The following UBE2O variants were observed in gnomAD, a reference collection of about 807,000 sequenced individuals.
UBE2O encodes (E3-independent) E2 ubiquitin-conjugating enzyme.
UBE2O carries 15 observed loss-of-function variants against 125.8 expected under a neutral mutation model. The ratio of observed to expected loss-of-function variants is 0.12; its 90% confidence interval spans 0.08 to 0.18. The LOEUF (loss-of-function observed/expected upper bound fraction) is 0.18. Ranked by LOEUF, UBE2O falls within the 10% of genes least tolerant of loss-of-function variation. The pLI, the probability that UBE2O is intolerant of heterozygous loss-of-function variation, is 1.00. For missense variants in UBE2O, 1,280 were observed against 1,723.6 expected, an observed-to-expected ratio of 0.74 and a Z score of 4.56; for synonymous variants, 708 against 703.2, an observed-to-expected ratio of 1.01 and a Z score of -0.11.
In UBE2O at chr17:76,443,568, C is replaced by T. The variant is rs570925036; in HGVS notation, c.417+9157G>A. 4.6e-5 allele frequency among the ~76,000 whole-genome samples: 7 copies of T among 151,522 alleles called. No individual in the cohort carries two copies. In the South Asian group the frequency reaches 1.3e-3, roughly 27 times the overall value. On this transcript the variant is annotated intron_variant, in intron 1 of 17. Coordinates refer to ENST00000319380, the MANE Select transcript of UBE2O (RefSeq NM_022066.4). Reference sequence around the variant, plus strand: ...CCTCCCAAAATGCTGGGATTACAGGCGTGAGCCACTGTGCCCAGTCAGAAC... The same window carrying T: ...CCTCCCAAAATGCTGGGATTACAGGTGTGAGCCACTGTGCCCAGTCAGAAC...
chr17:76,415,914 C>T (rs577432135), intron 1 of UBE2O, among the ~76,000 whole-genome samples: 216 of 149,194 alleles, frequency 1.4e-3, no homozygotes, highest in African/African-American at 5.3e-3. Flanking sequence ...AATATATACA[C>T]ATGCACATAC....
chr17:76,443,645 A>G (rs907987867), intron 1 of UBE2O, among the ~76,000 whole-genome samples: 4 of 151,920 alleles, frequency 2.6e-5, no homozygotes, highest in Non-Finnish European at 5.9e-5. Flanking sequence ...GGCAGTCACA[A>G]TCACAAGATT....
At chr17:76,431,516 C>T (rs1354648529) in intron 1 of UBE2O, among the ~76,000 whole-genome samples, 1 of 152,054 alleles carries the variant, frequency 6.6e-6, no homozygotes, top group East Asian at 1.9e-4. Flanking sequence ...AAAAAAAAGT[C>T]AACAAAACCC....
Position 76,402,450 on chromosome 17 carries a change from G to C in UBE2O, c.686+152C>G, listed in dbSNP as rs2072344661. The C allele has an allele frequency of 1.4e-6, 1 of 730,840 alleles. No individual in the cohort carries two copies. The highest frequency in any genetic ancestry group is 1.7e-5 in the African/African-American group (1 of 57,442). The allele number at this position is 730,840 out of a possible 1,614,324, so 45.3% of individuals were successfully genotyped here. A position where few individuals can be genotyped will look rare whatever the true frequency, so the allele number is the denominator to read the frequency against. On this transcript the variant is annotated intron_variant, in intron 4 of 17. Transcript: ENST00000319380. The surrounding 1 kb of genome is among the most constrained non-coding windows in gnomAD (Gnocchi z 5.4). ...TAGGCCACGGCAGATAAGGAGAACG[G>C]TACAGGGTTAGGCCCTGGATGCCTG...
chr17:76,452,794 G>T lies in UBE2O; in HGVS notation c.348C>A (p.Pro116=). 2 of 1,521,054 alleles carry T rather than the reference G, an allele frequency of 1.3e-6. No homozygotes were observed. Among genetic ancestry groups the T allele is most frequent in the Non-Finnish European group, 1.8e-6 (2 of 1,139,916 alleles). The allele number at this position is 1,521,054 out of a possible 1,614,324, so 94.2% of individuals were successfully genotyped here. The change falls in exon 1 of 18, where the codon CCC becomes CCA. Residue 116 remains proline (P), a synonymous_variant. Coordinates refer to ENST00000319380, the MANE Select transcript of UBE2O (RefSeq NM_022066.4). The surrounding 1 kb of genome is among the most constrained non-coding windows in gnomAD (Gnocchi z 4.4). ...GGACGCGCACGTAGCCGCGGCGCAG[G>T]GGGCTGGCCCGGCCCTCCTCGTGGC... ...GAGHEEGRAS[P]LRRGYVRVQW...
At chr17:76,426,745 T>C (rs546289487) in intron 1 of UBE2O, among the ~76,000 whole-genome samples, 1 of 152,298 alleles carries the variant, frequency 6.6e-6, no homozygotes, top group South Asian at 2.1e-4. Flanking sequence ...TGTTGGGACT[T>C]TGGTTTTTAA....
chr17:76,398,230 C>T lies in UBE2O; in HGVS notation c.2025+25G>A, dbSNP rs987342239. 2 of 1,613,830 alleles carry T rather than the reference C, an allele frequency of 1.2e-6. No individual in the cohort carries two copies. Among genetic ancestry groups the T allele is most frequent in the Admixed American group, 1.7e-5 (1 of 59,990 alleles). On this transcript the variant is annotated intron_variant, in intron 12 of 17. Transcript: ENST00000319380. This position sits in a 1 kb window ranked among gnomAD's most constrained non-coding sequence, Gnocchi z 5.4. Reference sequence around the variant, plus strand: ...GGTGCACAGGGCAGTGAGCAGCCATCCAGAACTTGAATTTGAAGGCGTACC... The same window carrying T: ...GGTGCACAGGGCAGTGAGCAGCCATTCAGAACTTGAATTTGAAGGCGTACC...
chr17:76,433,469 T>C (rs896399047), intron 1 of UBE2O, among the ~76,000 whole-genome samples: 4 of 149,530 alleles, frequency 2.7e-5, no homozygotes, highest in African/African-American at 9.9e-5. Context: ...GGGTATGAGG[T>C]TTCTTTTTAG....
chr17:76,427,538 G>A (rs887109345), intron 1 of UBE2O, among the ~76,000 whole-genome samples: 2 of 152,158 alleles, frequency 1.3e-5, no homozygotes, highest in African/African-American at 4.8e-5. Context: ...TAATTTCCTA[G>A]AACAAGCTCA....
chr17:76,392,920 C>G (rs1051705174), intron 15 of UBE2O, among the ~76,000 whole-genome samples: 22 of 150,832 alleles, frequency 1.5e-4, no homozygotes, highest in Non-Finnish European at 2.8e-4. Flanking sequence ...CCATTGAACT[C>G]TAGCCTGGGT....
chr17:76,438,823 C>T (rs921751368), intron 1 of UBE2O, among the ~76,000 whole-genome samples: 9 of 152,130 alleles, frequency 5.9e-5, no homozygotes, highest in Admixed American at 2.0e-4. Flanking sequence ...ACTTCCGGGT[C>T]ATTTTGTGTG....
chr17:76,417,375 T>C (rs2072633509), intron 1 of UBE2O, among the ~76,000 whole-genome samples: 1 of 152,162 alleles, frequency 6.6e-6, no homozygotes, highest in African/African-American at 2.4e-5. Context: ...ACGATAACAT[T>C]TACAAAGAAC....
intron 1 of UBE2O, among the ~76,000 whole-genome samples, chr17:76,415,828 T>TGC (rs2072594085): frequency 2.0e-5 from 3 of 151,290 alleles, no homozygotes; most frequent in Middle Eastern, 6.8e-3. Context: ...TGTGTGTGTG[T>TGC]GCATACACAT....
chr17:76,395,650 C>T lies in UBE2O; in HGVS notation c.2946+75G>A. ...CCAGTCAGCCCCGGAGGTTTGGGGACCCAAGGTTGGTGGCCTCTTGGGCAC... is the reference window on the plus strand; with the variant it reads ...CCAGTCAGCCCCGGAGGTTTGGGGATCCAAGGTTGGTGGCCTCTTGGGCAC... On this transcript the variant is annotated intron_variant, in intron 15 of 17. Transcript: ENST00000319380. The surrounding 1 kb of genome is among the most constrained non-coding windows in gnomAD (Gnocchi z 5.0). The T allele has an allele frequency of 1.3e-6, 2 of 1,536,052 alleles. No individual in the cohort carries two copies. Among genetic ancestry groups the T allele is most frequent in the Non-Finnish European group, 1.7e-6 (2 of 1,144,368 alleles).
chr17:76,405,470 G>T lies in UBE2O; in HGVS notation c.477+43C>A. The T allele has an allele frequency of 6.4e-7, 1 of 1,574,760 alleles. No homozygotes were observed. Among genetic ancestry groups the T allele is most frequent in the Non-Finnish European group, 8.6e-7 (1 of 1,160,188 alleles). On this transcript the variant is annotated intron_variant, in intron 2 of 17. Coordinates refer to ENST00000319380, the MANE Select transcript of UBE2O (RefSeq NM_022066.4). The surrounding 1 kb of genome is among the most constrained non-coding windows in gnomAD (Gnocchi z 6.1). ...TGGGCAGGCTCAAGTCCCTAAGGTG[G>T]CTGCCCCCAGGCCCGGGGCTGGGGT...
chr17:76,413,457 A>C lies in UBE2O; in HGVS notation c.418-7885T>G, dbSNP rs529045213. ...CATGGTCAACACTGGACAAAAAAAAACCTGAGTGCATTAATATACATGTGG... is the reference window on the plus strand; with the variant it reads ...CATGGTCAACACTGGACAAAAAAAACCCTGAGTGCATTAATATACATGTGG... On this transcript the variant is annotated intron_variant, in intron 1 of 17. Coordinates refer to ENST00000319380, the MANE Select transcript of UBE2O (RefSeq NM_022066.4). Among the ~76,000 whole-genome samples, 4 of 152,342 alleles carry C rather than the reference A, an allele frequency of 2.6e-5. No homozygotes were observed. In the South Asian group the frequency reaches 6.2e-4, roughly 24 times the overall value.
At chr17:76,448,490 G>A (rs1419478038) in intron 1 of UBE2O, among the ~76,000 whole-genome samples, 2 of 152,158 alleles carry the variant, frequency 1.3e-5, no homozygotes, top group East Asian at 3.8e-4. Flanking sequence ...ATTCCCGAGG[G>A]ACCTGTCATC....
At chr17:76,430,622 C>A in intron 1 of UBE2O, 3 of 333,728 alleles carry the variant, frequency 9.0e-6, no homozygotes, top group South Asian at 4.8e-5. Context: ...TGTTATCTGT[C>A]AAAGCAATTC....
Position 76,413,068 on chromosome 17 carries a change from G to T in UBE2O, c.418-7496C>A, listed in dbSNP as rs929064459. ...AAAAAACCCAACTCAGTTTTGCGGG[G>T]GTGGAAGCAGGAAACCTTGCTGAGG... is the stretch of plus-strand genomic sequence containing the variant. On this transcript the variant is annotated intron_variant, in intron 1 of 17. Coordinates refer to ENST00000319380, the MANE Select transcript of UBE2O (RefSeq NM_022066.4). Among the ~76,000 whole-genome samples the T allele has an allele frequency of 4.6e-5, 7 of 152,276 alleles. No homozygotes were observed. In the South Asian group the frequency reaches 6.2e-4, roughly 14 times the overall value.
Sources: allele counts gnomAD v4.1 joint callset (sites outside exome capture counted in the v4.1 genomes callset), GRCh38; gene constraint gnomAD v4.1.1; non-coding constraint Gnocchi (gnomAD v3.1); transcripts MANE v1.5; gene names NCBI Gene and HGNC (gene_info 2026-07-23, HGNC 2026-07-21).